Variants in GLIS2 observed in about 807,000 individuals in gnomAD.
GLIS2 encodes the protein zinc finger protein GLIS2.
In GLIS2, 14 loss-of-function variants were observed where a neutral mutation model predicts 35.6. That is an observed-to-expected ratio of 0.39 (90% CI 0.26 to 0.61). The LOEUF is 0.61. GLIS2 is among the 20% of genes least tolerant of loss of function. The pLI is 0.48. For synonymous variants in GLIS2, 368 were observed against 325.1 expected (o/e 1.13, Z -1.42); for missense variants, 675 against 713.4 (o/e 0.95, Z 0.61).
intron 1 of GLIS2, among the ~76,000 whole-genome samples, chr16:4,321,666 T>C (rs2053381169): frequency 6.6e-6 from 1 of 152,146 alleles, no homozygotes; most frequent in African/African-American, 2.4e-5. Flanking sequence ...GTGGGCTCCG[T>C]GCCAGGGGCC....
rs377681088 is a variant in GLIS2 at position 4,332,222 on chromosome 16, C to T, written c.-59C>T. On this transcript the variant is annotated 5_prime_UTR_variant, in exon 2 of 7. Transcript: ENST00000433375. This position sits in a 1 kb window ranked among gnomAD's most constrained non-coding sequence, Gnocchi z 5.4. ...GCTCCTGTCCTTCCCCAGGTTCCTG[C>T]GTGAAGACCAGCTGGGAGCCCACTG... 2.6e-4 allele frequency: 415 copies of T among 1,582,984 alleles called. 2 individuals are homozygous for T. In the African/African-American group the frequency reaches 4.6e-3, roughly 17 times the overall value.
chr16:4,326,039 C>A (rs1180078331), intron 1 of GLIS2, among the ~76,000 whole-genome samples: 15 of 150,712 alleles, frequency 1.0e-4, no homozygotes. Flanking sequence ...GATATCGAGA[C>A]CATCCTGGCT....
In GLIS2 at chr16:4,337,577, C is replaced by T; in HGVS notation, c.*53C>T. On this transcript the variant is annotated 3_prime_UTR_variant, in exon 7 of 7. Coordinates refer to ENST00000433375, the MANE Select transcript of GLIS2 (RefSeq NM_032575.3). ...CCCCCGGCAGCTCCCGGCACTGCCCCCGACGAACGGAAACTCTTCTGTGAA... is the reference window on the plus strand; with the variant it reads ...CCCCCGGCAGCTCCCGGCACTGCCCTCGACGAACGGAAACTCTTCTGTGAA... 6.5e-7 allele frequency: 1 copy of T among 1,535,830 alleles called. No individual in the cohort carries two copies. Among genetic ancestry groups the T allele is most frequent in the Admixed American group, 2.0e-5 (1 of 51,060 alleles).
rs1335912939 is a variant in GLIS2 at position 4,320,576 on chromosome 16, C to T, written c.-67+4322C>T. Among the ~76,000 whole-genome samples, 6 of 151,670 alleles carry T rather than the reference C, an allele frequency of 4.0e-5. No homozygotes were observed. The highest frequency in any genetic ancestry group is 5.9e-5 in the Non-Finnish European group (4 of 67,976). ...CCCCCAGCTCCACTCCTGCCCCCCA[C>T]GTCCACTGCAAGGGCATGACGGGGG... On this transcript the variant is annotated intron_variant, in intron 1 of 6. Transcript: ENST00000433375. This position sits in a 1 kb window ranked among gnomAD's most constrained non-coding sequence, Gnocchi z 5.6.
At position 4,320,399 on chromosome 16, in the gene GLIS2, G is replaced by T. The variant is rs2053365899; in HGVS notation, c.-67+4145G>T. Among the ~76,000 whole-genome samples the T allele has an allele frequency of 6.6e-6, 1 of 152,066 alleles. No individual in the cohort carries two copies. The highest frequency in any genetic ancestry group is 2.1e-4 in the South Asian group (1 of 4,832). Reference sequence around the variant, plus strand: ...GCCTCGCTTGGACCCTGGTAGTCAAGAGGTCGTCGGAGGCCGGTGGGGGGA... The same window carrying T: ...GCCTCGCTTGGACCCTGGTAGTCAATAGGTCGTCGGAGGCCGGTGGGGGGA... On this transcript the variant is annotated intron_variant, in intron 1 of 6. Coordinates refer to ENST00000433375, the MANE Select transcript of GLIS2 (RefSeq NM_032575.3). This position sits in a 1 kb window ranked among gnomAD's most constrained non-coding sequence, Gnocchi z 5.6.
intron 1 of GLIS2, among the ~76,000 whole-genome samples, chr16:4,321,482 G>T (rs2053379102): frequency 6.6e-6 from 1 of 152,366 alleles, no homozygotes; most frequent in South Asian, 2.1e-4. Flanking sequence ...GGAGTGCCAG[G>T]TGTTGGGATA....
intron 1 of GLIS2, among the ~76,000 whole-genome samples, 95 bp downstream of exon 1, chr16:4,316,349 C>A (rs1321654302): frequency 1.5e-5 from 2 of 136,442 alleles, no homozygotes; most frequent in Non-Finnish European, 3.2e-5. Context: ...GCCCGAGGGT[C>A]TCCTCCCCCG....
rs1040631848 is a variant in GLIS2 at position 4,336,552 on chromosome 16, G to A, written c.776-173G>A. ...ACCAGGCTGAGTTTTCAGCCTCTGT[G>A]CCCTGCCTGGGGGCAGATCTCATGC... is the stretch of plus-strand genomic sequence containing the variant. On this transcript the variant is annotated intron_variant, in intron 6 of 6. Transcript: ENST00000433375. 9.8e-6 allele frequency: 7 copies of A among 716,718 alleles called. No individual in the cohort carries two copies. In the Admixed American group the frequency reaches 1.0e-4, roughly 10 times the overall value. 44.4% of individuals were successfully genotyped at this position (716,718 alleles called of 1,614,324 possible). A position where few individuals can be genotyped will look rare whatever the true frequency, so the allele number is the denominator to read the frequency against.
At position 4,335,381 on chromosome 16, in the gene GLIS2, C is replaced by T. The variant is rs1366956995; in HGVS notation, c.763C>T (p.Arg255Trp). ...CCTGGAGAACCTGAAGATCCACAAC[C>T]GGTCGCACACAGGTAAGAGGCCGGG... ...SRLENLKIHN[R>W]SHTGEKPYVC... The change falls in exon 6 of 7, where the codon CGG (arginine) becomes TGG (tryptophan). Residue 255 changes from arginine (R) to tryptophan (W), a missense_variant. This residue lies in a region of GLIS2 where 133 missense variants were observed against 191.4 expected (regional missense o/e 0.69). Coordinates refer to ENST00000433375, the MANE Select transcript of GLIS2 (RefSeq NM_032575.3). The surrounding 1 kb of genome is among the most constrained non-coding windows in gnomAD (Gnocchi z 4.6). The T allele has an allele frequency of 1.9e-6, 3 of 1,613,502 alleles. No homozygotes were observed. The highest frequency in any genetic ancestry group is 1.3e-5 in the African/African-American group (1 of 74,934).
upstream of GLIS2, among the ~76,000 whole-genome samples, chr16:4,315,970 C>T (rs2053305695): frequency 6.8e-6 from 1 of 147,952 alleles, no homozygotes; most frequent in Admixed American, 6.6e-5. Context: ...CCCTCCTCCG[C>T]GGCCGGCGGG....
chr16:4,332,463 T>TGGGCA lies in GLIS2; in HGVS notation c.172+20_172+24dup. 6.2e-7 allele frequency: 1 copy of TGGGCA among 1,610,000 alleles called. No individual in the cohort carries two copies. Among genetic ancestry groups the TGGGCA allele is most frequent in the Non-Finnish European group, 8.5e-7 (1 of 1,179,712 alleles). ...GCTCCCCGCCCTCAGGTACTGGCCC[T>TGGGCA]GGGCAGGGCAGGGGGACTTAGCCCT... On this transcript the variant is annotated intron_variant, in intron 2 of 6. Coordinates refer to ENST00000433375, the MANE Select transcript of GLIS2 (RefSeq NM_032575.3). The surrounding 1 kb of genome is among the most constrained non-coding windows in gnomAD (Gnocchi z 5.4).
At position 4,320,656 on chromosome 16, in the gene GLIS2, T is replaced by C. The variant is rs1597332171; in HGVS notation, c.-67+4402T>C. On this transcript the variant is annotated intron_variant, in intron 1 of 6. Transcript: ENST00000433375. The surrounding 1 kb of genome is among the most constrained non-coding windows in gnomAD (Gnocchi z 5.6). ...TCCCTGCATCGTCTGCCTGGGGCTG[T>C]CTAGCAAGTCCCGGCCTGCCTGGGC... is the stretch of plus-strand genomic sequence containing the variant. 1.3e-5 allele frequency among the ~76,000 whole-genome samples: 2 copies of C among 152,240 alleles called. No individual in the cohort carries two copies. The highest frequency in any genetic ancestry group is 6.8e-3 in the Middle Eastern group (2 of 294).
At position 4,335,275 on chromosome 16, in the gene GLIS2, G is replaced by A. The variant is rs2141133164; in HGVS notation, c.657G>A (p.Arg219=). 1 of 1,613,820 alleles carries A rather than the reference G, an allele frequency of 6.2e-7. No individual in the cohort carries two copies. The highest frequency in any genetic ancestry group is 8.5e-7 in the Non-Finnish European group (1 of 1,180,024). ...GTGCCCCCCGCCCTCCCTGGAGCAG[G>A]TACAAGATGCTCATCCACATCCGCA... is the stretch of plus-strand genomic sequence containing the variant. ...CARHGRGFNA[R]YKMLIHIRTH... The change falls in exon 6 of 7, where the codon AGG becomes AGA. Residue 219 remains arginine, a splice_region_variant and synonymous_variant. Transcript: ENST00000433375. This position sits in a 1 kb window ranked among gnomAD's most constrained non-coding sequence, Gnocchi z 4.6.
rs1362336117 is a variant in GLIS2 at position 4,337,549 on chromosome 16, G to A, written c.*25G>A. On this transcript the variant is annotated 3_prime_UTR_variant, in exon 7 of 7. Transcript: ENST00000433375. Reference sequence around the variant, plus strand: ...AGCCCATCCTGCGGACAGTTGTGGTGCCCCCCCGGCAGCTCCCGGCACTGC... The same window carrying A: ...AGCCCATCCTGCGGACAGTTGTGGTACCCCCCCGGCAGCTCCCGGCACTGC... The A allele has an allele frequency of 1.6e-5, 25 of 1,543,388 alleles. No homozygotes were observed. Among genetic ancestry groups the A allele is most frequent in the Non-Finnish European group, 2.0e-5 (23 of 1,150,154 alleles).
Position 4,336,978 on chromosome 16 carries a change from C to T in GLIS2, c.1029C>T (p.Asp343=), listed in dbSNP as rs1031985166. The change falls in exon 7 of 7, where the codon GAC becomes GAT. Residue 343 remains aspartate, a synonymous_variant. Transcript: ENST00000433375. ...CCAAGCCGCCACTGCCCGCCCCCGA[C>T]GGCGGCCCCTATGTCAGTGGGGCCC... ...PPPKPPLPAP[D]GGPYVSGAQI... 13 of 1,609,726 alleles carry T rather than the reference C, an allele frequency of 8.1e-6. No homozygotes were observed. Among genetic ancestry groups the T allele is most frequent in the African/African-American group, 5.3e-5 (4 of 74,854 alleles).
rs2053534965 is a variant in GLIS2 at position 4,334,997 on chromosome 16, A to C, written c.522+20A>C. On this transcript the variant is annotated intron_variant, in intron 4 of 6. Transcript: ENST00000433375. Reference sequence around the variant, plus strand: ...GCCAAGGTGAGTGGGGGCCAGCAAGAGTAGTGTGGAGTCTGGGGCAGGTCA... The same window carrying C: ...GCCAAGGTGAGTGGGGGCCAGCAAGCGTAGTGTGGAGTCTGGGGCAGGTCA... 1.2e-6 allele frequency: 2 copies of C among 1,613,252 alleles called. No individual in the cohort carries two copies. The highest frequency in any genetic ancestry group is 1.7e-6 in the Non-Finnish European group (2 of 1,180,028).
chr16:4,327,832 TC>T (rs1485372246), intron 1 of GLIS2, among the ~76,000 whole-genome samples: 3 of 151,490 alleles, frequency 2.0e-5, no homozygotes, highest in African/African-American at 7.3e-5. Context: ...TCTAATTAGT[TC>T]CTTTTGCAGC....
At chr16:4,317,723 C>T (rs2053329881) in intron 1 of GLIS2, among the ~76,000 whole-genome samples, 1 of 152,122 alleles carries the variant, frequency 6.6e-6, no homozygotes, top group Non-Finnish European at 1.5e-5. Context: ...CCAGCCTGGC[C>T]CATTTCACTG....
intron 1 of GLIS2, among the ~76,000 whole-genome samples, chr16:4,326,779 G>A (rs1374147382): frequency 1.6e-5 from 2 of 122,434 alleles, no homozygotes; most frequent in Non-Finnish European, 3.3e-5. Context: ...TTTTTTTTCC[G>A]AGATGGAGTC....
Sources: allele counts gnomAD v4.1 joint callset (sites outside exome capture counted in the v4.1 genomes callset), GRCh38; gene constraint gnomAD v4.1.1; regional missense constraint gnomAD v4.1.1; non-coding constraint Gnocchi (gnomAD v3.1); transcripts MANE v1.5; gene names NCBI Gene and HGNC (gene_info 2026-07-23, HGNC 2026-07-21).